Variants in NOTCH4 observed in about 807,000 individuals in gnomAD.
The protein encoded by NOTCH4 is notch receptor 4.
In NOTCH4, 138 loss-of-function variants were observed where a neutral mutation model predicts 189.0. The observed-to-expected ratio is 0.73, with a 90% confidence interval of 0.64 to 0.84. The LOEUF (loss-of-function observed/expected upper bound fraction) is 0.84. Ranked by LOEUF, NOTCH4 falls within the 40% of genes least tolerant of loss-of-function variation. The pLI is 0.00. For synonymous variants in NOTCH4, 942 were observed against 1,032.8 expected (o/e 0.91, Z 1.69); for missense variants, 2,286 against 2,605.4 (o/e 0.88, Z 2.67).
In NOTCH4 at chr6:32,202,246, T is replaced by C. The variant is rs771330472; in HGVS notation, c.3585A>G (p.Gly1195=). ...GACDAGCSGP[G]GNWDGGDCSL... is the part of the protein sequence containing the mutation. ...AGCAGTCCCCTCCATCCCAGTTTCC[T>C]CCCGGGCCACTGCAGCCAGCATCGC... The change falls in exon 21 of 30, where the codon GGA becomes GGG. Residue 1195 remains glycine, a synonymous_variant. Coordinates refer to ENST00000375023, the MANE Select transcript of NOTCH4 (RefSeq NM_004557.4). This position sits in a 1 kb window ranked among gnomAD's most constrained non-coding sequence, Gnocchi z 5.7. The C allele has an allele frequency of 1.3e-6, 2 of 1,569,628 alleles. No homozygotes were observed. The highest frequency in any genetic ancestry group is 8.7e-7 in the Non-Finnish European group (1 of 1,153,028).
chr6:32,212,361 A>C lies in NOTCH4; in HGVS notation c.2680+113T>G. 1.0e-6 allele frequency: 1 copy of C among 978,462 alleles called. No homozygotes were observed. The allele number at this position is 978,462 out of a possible 1,614,324, so 60.6% of individuals were successfully genotyped here. ...GAACTGATTTGTCTGTGTGGTTTTG[A>C]TTCTCAGATGGTTGTTTTGGCCAAA... On this transcript the variant is annotated intron_variant, in intron 17 of 29. Coordinates refer to ENST00000375023, the MANE Select transcript of NOTCH4 (RefSeq NM_004557.4). This position sits in a 1 kb window ranked among gnomAD's most constrained non-coding sequence, Gnocchi z 4.4.
chr6:32,196,120 C>T lies in NOTCH4; in HGVS notation c.5329G>A (p.Glu1777Lys). Residue 1777 changes from glutamate to lysine, a missense_variant, in exon 30 of 30, where the codon GAA becomes AAA. Glu to Lys is a moderately conservative substitution (Grantham distance 56). Transcript: ENST00000375023. Reference sequence around the variant, plus strand: ...AGCTGGGCTACTTCCACCGCTCCTTCCCGCGCCGCCAGGAATAGCGGCGTC... The same window carrying T: ...AGCTGGGCTACTTCCACCGCTCCTTTCCGCGCCGCCAGGAATAGCGGCGTC... ...EQTPLFLAAR[E>K]GAVEVAQLLL... is the part of the protein sequence containing the mutation. The T allele has an allele frequency of 1.3e-6, 2 of 1,589,680 alleles. No homozygotes were observed. The highest frequency in any genetic ancestry group is 1.7e-6 in the Non-Finnish European group (2 of 1,175,016).
At chr6:32,223,284 C>T (rs554134979) in intron 1 of NOTCH4, among the ~76,000 whole-genome samples, 198 bp from the exon 2 acceptor site, 2 of 152,102 alleles carry the variant, frequency 1.3e-5, no homozygotes, top group African/African-American at 4.8e-5. Context: ...CTAATCCCTA[C>T]CCCCCTTTCC....
rs770791307 is a variant in NOTCH4, at chr6:32,198,394, T to C, written c.4756+27A>G. ...ATAGGGTCAAAGGACTTTTTTTTTT[T>C]TTCTTGGTCTGGGTTGACTCACATA... On this transcript the variant is annotated intron_variant, in intron 26 of 29. Coordinates refer to ENST00000375023, the MANE Select transcript of NOTCH4 (RefSeq NM_004557.4). This position sits in a 1 kb window ranked among gnomAD's most constrained non-coding sequence, Gnocchi z 5.5. The C allele has an allele frequency of 1.3e-5, 20 of 1,578,074 alleles. No individual in the cohort carries two copies.
intron 11 of NOTCH4, chr6:32,215,976 T>A (rs1409391208): frequency 2.0e-5 from 3 of 151,430 alleles, no homozygotes; most frequent in Admixed American, 1.3e-4. Flanking sequence ...TGCCTCAGCC[T>A]CCCCAATAGC....
In NOTCH4 at chr6:32,222,652, T is replaced by C; in HGVS notation, c.310A>G (p.Thr104Ala). 1 of 1,607,170 alleles carries C rather than the reference T, an allele frequency of 6.2e-7. No homozygotes were observed. Among genetic ancestry groups the C allele is most frequent in the Non-Finnish European group, 8.5e-7 (1 of 1,177,906 alleles). ...TCACCAGTGAAGCCAGGGAGGCAAG[T>C]GCACAAGAAGCTGGGTGTCAATGGA... ...PSPLTPSFLCTCLPGFTGERC... is the reference protein window; with the variant it reads ...PSPLTPSFLCACLPGFTGERC... Residue 104 changes from threonine to alanine, a missense_variant, in exon 3 of 30, where the codon ACT becomes GCT. Transcript: ENST00000375023.
rs1243979329 is a variant in NOTCH4, at chr6:32,199,045, C to T, written c.4416G>A (p.Arg1472=). The part of the protein sequence containing the change: ...LGALLVLQLI[R]RRRREHGALW... ...GAGCTCCATGCTCTCGGCGTCGACG[C>T]CGGATGAGCTGGAGGACGAGAAGAG... The change falls in exon 24 of 30, where the codon CGG becomes CGA. Residue 1472 remains arginine, a synonymous_variant. Transcript: ENST00000375023. The surrounding 1 kb of genome is among the most constrained non-coding windows in gnomAD (Gnocchi z 4.9). 6.2e-7 allele frequency: 1 copy of T among 1,612,900 alleles called. No homozygotes were observed. Among genetic ancestry groups the T allele is most frequent in the South Asian group, 1.1e-5 (1 of 91,068 alleles).
chr6:32,196,034 G>A lies in NOTCH4; in HGVS notation c.5415C>T (p.Asp1805=). ...LRDQAGLAPA[D]VAHQRNHWDL... is the part of the protein sequence containing the mutation. The stretch of plus-strand genomic sequence containing the variant: ...CCCAGTGGTTACGTTGGTGAGCGAC[G>A]TCCGCCGGCGCTAGCCCAGCCTGGT... The change falls in exon 30 of 30, where the codon GAC becomes GAT. Residue 1805 remains aspartate, a synonymous_variant. Coordinates refer to ENST00000375023, the MANE Select transcript of NOTCH4 (RefSeq NM_004557.4). 1 of 1,595,150 alleles carries A rather than the reference G, an allele frequency of 6.3e-7. No homozygotes were observed. Among genetic ancestry groups the A allele is most frequent in the Non-Finnish European group, 8.5e-7 (1 of 1,177,442 alleles).
At chr6:32,203,909 C>T (rs1788511867) in intron 19 of NOTCH4, 27 bp from the exon 20 acceptor site, 5 of 1,528,882 alleles carry the variant, frequency 3.3e-6, no homozygotes, top group Non-Finnish European at 3.5e-6. Context: ...GATTAGATGT[C>T]ACACACTGCA....
chr6:32,202,604 G>A lies in NOTCH4; in HGVS notation c.3232-5C>T, dbSNP rs1451174790. The A allele has an allele frequency of 2.6e-6, 4 of 1,558,910 alleles. No individual in the cohort carries two copies. Among genetic ancestry groups the A allele is most frequent in the African/African-American group, 1.4e-5 (1 of 72,888 alleles). On this transcript the variant is annotated splice_region_variant and splice_polypyrimidine_tract_variant and intron_variant, in intron 20 of 29. Coordinates refer to ENST00000375023, the MANE Select transcript of NOTCH4 (RefSeq NM_004557.4). The surrounding 1 kb of genome is among the most constrained non-coding windows in gnomAD (Gnocchi z 5.7). ...GCAGGTGGGGCCTTCAAAACCCTGT[G>A]GAGGGGAGGGGAGATATTGGAGATG...
chr6:32,196,838 C>T, intron 28 of NOTCH4, 87 bp downstream of exon 28: 2 of 1,498,772 alleles, frequency 1.3e-6, no homozygotes, highest in Non-Finnish European at 1.8e-6. Flanking sequence ...AGGGAATGCC[C>T]CTCTGCTGCA....
At chr6:32,197,185 T>C in intron 27 of NOTCH4, 113 bp from the exon 28 acceptor site, 1 of 1,518,818 alleles carries the variant, frequency 6.6e-7, no homozygotes, top group Non-Finnish European at 8.9e-7. Flanking sequence ...GCAGTTTCCC[T>C]GTCAGGTTCC....
At position 32,199,353 on chromosome 6, in the gene NOTCH4, G is replaced by A. The variant is rs1206895319; in HGVS notation, c.4316-208C>T. 6.6e-6 allele frequency among the ~76,000 whole-genome samples: 1 copy of A among 152,146 alleles called. No individual in the cohort carries two copies. The highest frequency in any genetic ancestry group is 1.5e-5 in the Non-Finnish European group (1 of 68,024). ...AAGCTGAGGCAGGTGGATCATATGA[G>A]GCCAGGAGTTCGAGACCAGCCTGGC... On this transcript the variant is annotated intron_variant, in intron 23 of 29. Coordinates refer to ENST00000375023, the MANE Select transcript of NOTCH4 (RefSeq NM_004557.4). The surrounding 1 kb of genome is among the most constrained non-coding windows in gnomAD (Gnocchi z 4.9).
chr6:32,222,539 T>A lies in NOTCH4; in HGVS notation c.423A>T (p.Pro141=). The change falls in exon 3 of 30, where the codon CCA becomes CCT. Residue 141 remains proline (P), a synonymous_variant. Coordinates refer to ENST00000375023, the MANE Select transcript of NOTCH4 (RefSeq NM_004557.4). ...GRCHIQASGR[P]QCSCMPGWTG... is the part of the protein sequence containing the mutation. ...TCCATCCAGGCATGCAGGAGCACTGTGGGCGGCCCGAGGCCTGGATGTGGC... is the reference window on the plus strand; with the variant it reads ...TCCATCCAGGCATGCAGGAGCACTGAGGGCGGCCCGAGGCCTGGATGTGGC... 2 of 1,556,116 alleles carry A rather than the reference T, an allele frequency of 1.3e-6. No homozygotes were observed. The highest frequency in any genetic ancestry group is 1.7e-6 in the Non-Finnish European group (2 of 1,156,318).
At position 32,197,546 on chromosome 6, in the gene NOTCH4, G is replaced by C. The variant is rs1248365652; in HGVS notation, c.4805C>G (p.Ser1602Cys). ...MSAVCCGEVQ[S>C]GTFQGAWLGC... ...CAACCATGCCCCTTGGAAGGTCCCG[G>C]ACTGTACTTCCCCACAGCAAACTGC... Residue 1602 changes from serine (S) to cysteine (C), a missense_variant, in exon 27 of 30, where the codon TCC becomes TGC. Ser to Cys is a moderately radical substitution (Grantham distance 112, BLOSUM62 -1). This residue lies in a region of NOTCH4 where 1,903 missense variants were observed against 2,261.9 expected (regional missense o/e 0.84). Coordinates refer to ENST00000375023, the MANE Select transcript of NOTCH4 (RefSeq NM_004557.4). 6.2e-7 allele frequency: 1 copy of C among 1,612,934 alleles called. No homozygotes were observed. The highest frequency in any genetic ancestry group is 8.5e-7 in the Non-Finnish European group (1 of 1,179,522).
In NOTCH4 at chr6:32,196,314, C is replaced by A; in HGVS notation, c.5298+10G>T. 6.2e-7 allele frequency: 1 copy of A among 1,613,162 alleles called. No individual in the cohort carries two copies. The highest frequency in any genetic ancestry group is 8.5e-7 in the Non-Finnish European group (1 of 1,180,044). The stretch of plus-strand genomic sequence containing the variant: ...GACTGTTTTGTGGGAAGCCCTCTGT[C>A]CCATCTAACCCTGTTGTCCTGGGCA... On this transcript the variant is annotated intron_variant, in intron 29 of 29. Transcript: ENST00000375023.
At position 32,213,678 on chromosome 6, in the gene NOTCH4, G is replaced by T; in HGVS notation, c.2320+10C>A. 6.2e-7 allele frequency: 1 copy of T among 1,612,368 alleles called. No homozygotes were observed. Among genetic ancestry groups the T allele is most frequent in the South Asian group, 1.1e-5 (1 of 91,052 alleles). On this transcript the variant is annotated intron_variant, in intron 14 of 29. Transcript: ENST00000375023. Reference sequence around the variant, plus strand: ...GTGGACCCCAGCCCCATGACACAGTGGGCACTCACCAGACACACAGTAGTC... The same window carrying T: ...GTGGACCCCAGCCCCATGACACAGTTGGCACTCACCAGACACACAGTAGTC...
At chr6:32,220,717 TG>T in intron 5 of NOTCH4, 38 bp downstream of exon 5, 1 of 1,613,254 alleles carries the variant, frequency 6.2e-7, no homozygotes, top group African/African-American at 1.3e-5. Context: ...GCCAACTCTC[TG>T]GGCCATGGGT....
rs1789701240 is a variant in NOTCH4 at position 32,220,649 on chromosome 6, G to A, written c.923-8C>T. The A allele has an allele frequency of 6.2e-7, 1 of 1,612,996 alleles. No homozygotes were observed. The highest frequency in any genetic ancestry group is 8.5e-7 in the Non-Finnish European group (1 of 1,179,038). ...CTTCGGAGCAGTCCCAGCCTGCAGG[G>A]GGTTGGGGAGGGGACGAGGGCTAAG... On this transcript the variant is annotated splice_region_variant and splice_polypyrimidine_tract_variant and intron_variant, in intron 5 of 29. Coordinates refer to ENST00000375023, the MANE Select transcript of NOTCH4 (RefSeq NM_004557.4).
Sources: gnomAD v4.1 joint callset for allele counts (sites outside exome capture counted in the v4.1 genomes callset) on GRCh38, gnomAD v4.1.1 for gene constraint, gnomAD v4.1.1 regional missense constraint, Gnocchi (gnomAD v3.1) non-coding constraint, MANE v1.5 for transcripts, NCBI Gene and HGNC (gene_info 2026-07-23, HGNC 2026-07-21) for gene names.